IARS1: variants seen among roughly 807,000 people sequenced by gnomAD.
The protein encoded by IARS1 is isoleucyl-tRNA synthetase 1.
A neutral mutation model predicts 168.2 loss-of-function variants in IARS1; 124 were observed. The observed-to-expected ratio is 0.74, with a 90% CI of 0.64 to 0.86. The LOEUF is 0.86. Among genes scored for constraint, IARS1 ranks in the 40% least tolerant of loss-of-function variants. The pLI is 0.00. For synonymous variants in IARS1, 532 were observed against 529.4 expected, an observed-to-expected ratio of 1.00 and a Z score of -0.07; for missense variants, 1,452 against 1,515.8, an observed-to-expected ratio of 0.96 and a Z score of 0.70.
intron 18 of IARS1, among the ~76,000 whole-genome samples, chr9:92,259,319 G>A (rs889079786): frequency 1.3e-5 from 2 of 152,108 alleles, no homozygotes; most frequent in Non-Finnish European, 2.9e-5. Flanking sequence ...CCTGGTCCTC[G>A]TCAAGAGCCA....
Position 92,229,036 on chromosome 9 carries a change from T to G in IARS1, c.3374A>C (p.Lys1125Thr). 1 of 1,614,192 alleles carries G rather than the reference T, an allele frequency of 6.2e-7. No individual in the cohort carries two copies. Among genetic ancestry groups the G allele is most frequent in the East Asian group, 2.2e-5 (1 of 44,876 alleles). ...ATGGAAGACAGCCAGCTCTGTATTTTTCACACCAAAAATGCTAGTGACAAC... is the reference window on the plus strand; with the variant it reads ...ATGGAAGACAGCCAGCTCTGTATTTGTCACACCAAAAATGCTAGTGACAAC... ...KSVVTSIFGV[K>T]NTELAVFHDE... is the part of the protein sequence containing the mutation. Residue 1125 changes from lysine to threonine, a missense_variant, in exon 31 of 34, where the codon AAA (lysine) becomes ACA (threonine). Lys to Thr is a moderately conservative substitution (Grantham distance 78). Transcript: ENST00000443024.
intron 30 of IARS1, among the ~76,000 whole-genome samples, chr9:92,236,026 G>A (rs943165199): frequency 2.7e-5 from 4 of 150,274 alleles, no homozygotes; most frequent in Admixed American, 6.6e-5. Context: ...TTGTCGGCCT[G>A]GGCTGGAGTG....
intron 33 of IARS1, among the ~76,000 whole-genome samples, chr9:92,220,864 T>A (rs960133572): frequency 1.3e-5 from 2 of 151,888 alleles, no homozygotes; most frequent in Non-Finnish European, 2.9e-5. Flanking sequence ...CTAGGGAGGC[T>A]GAGGTGGGAG....
chr9:92,237,005 C>T (rs889053406), intron 30 of IARS1, among the ~76,000 whole-genome samples: 1 of 152,190 alleles, frequency 6.6e-6, no homozygotes, highest in Non-Finnish European at 1.5e-5. Context: ...TGGGTAAGAA[C>T]CAGATTTCTG....
In IARS1 at chr9:92,246,682, G is replaced by C. The variant is rs1326010530; in HGVS notation, c.2791+695C>G. The stretch of plus-strand genomic sequence containing the variant: ...CCACCTCAGCCTCCAGAGTAACTGG[G>C]ATGGCAGGCACATACCACCACATCT... On this transcript the variant is annotated intron_variant, in intron 26 of 33. Coordinates refer to ENST00000443024, the MANE Select transcript of IARS1 (RefSeq NM_002161.6). Among the ~76,000 whole-genome samples, 5 of 152,124 alleles carry C rather than the reference G, an allele frequency of 3.3e-5. No individual in the cohort carries two copies. The South Asian group carries it at 8.3e-4, about 25-fold the overall frequency.
At position 92,265,107 on chromosome 9, in the gene IARS1, T is replaced by C. The variant is rs756032933; in HGVS notation, c.1522A>G (p.Ile508Val). Residue 508 changes from isoleucine to valine, a missense_variant, in exon 16 of 34, where the codon ATT (isoleucine) becomes GTT (valine). Ile to Val is a conservative substitution (Grantham distance 29, BLOSUM62 3). Transcript: ENST00000443024. ...GATCCCTTCCCACAGCGTGAAGGAA[T>C]GGTCAGGTGGTCAACACTAACAAAC... Reference protein sequence around the residue: ...LHRESVDHLTIPSRCGKGSLH... With the variant: ...LHRESVDHLTVPSRCGKGSLH... The C allele has an allele frequency of 1.3e-5, 21 of 1,612,958 alleles. No homozygotes were observed. The East Asian group carries it at 4.7e-4, about 36-fold the overall frequency.
At chr9:92,278,640 A>T (rs1191455836) in intron 7 of IARS1, among the ~76,000 whole-genome samples, 1 of 152,148 alleles carries the variant, frequency 6.6e-6, no homozygotes, top group Non-Finnish European at 1.5e-5. Context: ...CCTCTCAGAC[A>T]TTCTCATTTG....
intron 19 of IARS1, 63 bp from the exon 20 acceptor site, chr9:92,256,863 A>C: frequency 6.7e-7 from 1 of 1,486,850 alleles, no homozygotes; most frequent in Non-Finnish European, 9.2e-7. Context: ...TGAGGAAATA[A>C]ACTTCTTAAA....
chr9:92,248,627 T>C (rs1383800214), intron 25 of IARS1, among the ~76,000 whole-genome samples: 3 of 122,580 alleles, frequency 2.4e-5, no homozygotes, highest in African/African-American at 9.8e-5. Context: ...CACTCCAGCC[T>C]GGGTGACAGA....
intron 10 of IARS1, 97 bp from the exon 11 acceptor site, chr9:92,271,752 C>T: frequency 7.6e-7 from 1 of 1,308,330 alleles, no homozygotes; most frequent in African/African-American, 1.5e-5. Context: ...TATATTGTAA[C>T]ATATACATTT....
intron 13 of IARS1, among the ~76,000 whole-genome samples, chr9:92,268,866 G>T (rs1045971243): frequency 6.6e-6 from 1 of 152,028 alleles, no homozygotes; most frequent in Admixed American, 6.5e-5. Context: ...CCTCCCTTCT[G>T]CATCCATCCT....
chr9:92,265,334 G>T, intron 15 of IARS1, 146 bp downstream of exon 15: 1 of 825,004 alleles, frequency 1.2e-6, no homozygotes, highest in Non-Finnish European at 2.0e-6. Flanking sequence ...AAGGACAGAG[G>T]CCACAATACT....
chr9:92,225,244 G>A (rs145801921), intron 31 of IARS1, among the ~76,000 whole-genome samples: 127 of 152,338 alleles, frequency 8.3e-4, no homozygotes, highest in African/African-American at 2.8e-3. Flanking sequence ...CATGGAGGTA[G>A]AGAATGTCTT....
At position 92,281,414 on chromosome 9, in the gene IARS1, G is replaced by A. The variant is rs141806036; in HGVS notation, c.598-521C>T. On this transcript the variant is annotated intron_variant, in intron 6 of 33. Transcript: ENST00000443024. Reference sequence around the variant, plus strand: ...CTCCCAAAGTGCTGGGATTACAGGCGTGAGTCACCATGCCTGGCCTCTGGT... The same window carrying A: ...CTCCCAAAGTGCTGGGATTACAGGCATGAGTCACCATGCCTGGCCTCTGGT... 2.6e-5 allele frequency among the ~76,000 whole-genome samples: 4 copies of A among 152,190 alleles called. No homozygotes were observed. The East Asian group carries it at 5.8e-4, about 22-fold the overall frequency.
At chr9:92,244,886 G>A in intron 27 of IARS1, 73 bp downstream of exon 27, 3 of 1,202,270 alleles carry the variant, frequency 2.5e-6, no homozygotes, top group South Asian at 1.3e-5. Flanking sequence ...ATCAGGAAAG[G>A]CACAGGCAAA....
intron 17 of IARS1, among the ~76,000 whole-genome samples, chr9:92,262,110 T>C (rs1212742631): frequency 6.6e-6 from 1 of 151,756 alleles, no homozygotes; most frequent in Non-Finnish European, 1.5e-5. Flanking sequence ...AGAGGCAGAC[T>C]GCCTGGGTTC....
chr9:92,286,229 T>C (rs933127918), intron 5 of IARS1: 3 of 290,034 alleles, frequency 1.0e-5, no homozygotes, highest in South Asian at 1.0e-4. Flanking sequence ...TAGCCAAGCA[T>C]GGTGGCGGGC....
At chr9:92,250,932 C>T (rs1829927429) in intron 22 of IARS1, 98 bp from the exon 23 acceptor site, 19 of 1,307,856 alleles carry the variant, frequency 1.5e-5, no homozygotes, top group Non-Finnish European at 2.0e-5. Flanking sequence ...GAGAATGACA[C>T]AGTAATAGGC....
At chr9:92,226,249 C>T (rs1825654794) in intron 31 of IARS1, among the ~76,000 whole-genome samples, 1 of 152,198 alleles carries the variant, frequency 6.6e-6, no homozygotes, top group Non-Finnish European at 1.5e-5. Context: ...AAACAGTTTT[C>T]CAGTGGTTCC....
Sources: gnomAD v4.1 joint callset for allele counts (sites outside exome capture counted in the v4.1 genomes callset) on GRCh38, gnomAD v4.1.1 for gene constraint, MANE v1.5 for transcripts, NCBI Gene and HGNC (gene_info 2026-07-23, HGNC 2026-07-21) for gene names.